MSRB3: variants seen among roughly 807,000 people sequenced by gnomAD.
The protein encoded by MSRB3 is methionine sulfoxide reductase B3, also known as methionine-R-sulfoxide reductase B3.
Under a neutral mutation model 21.0 loss-of-function variants are expected in MSRB3, and 13 were observed. The ratio of observed to expected loss-of-function variants is 0.62; its 90% CI spans 0.40 to 0.98. The LOEUF (loss-of-function observed/expected upper bound fraction) is 0.98. Ranked by LOEUF, MSRB3 falls within the 50% of genes least tolerant of loss-of-function variation. The pLI, the probability that MSRB3 is intolerant of heterozygous loss-of-function variation, is 0.00. For synonymous variants in MSRB3, 87 were observed against 88.6 expected (o/e 0.98, Z 0.10); for missense variants, 199 against 230.3 (o/e 0.86, Z 0.88).
chr12:65,331,473 C>T (rs758982882), intron 4 of MSRB3, among the ~76,000 whole-genome samples: 1 of 152,186 alleles, frequency 6.6e-6, no homozygotes, highest in Non-Finnish European at 1.5e-5. Flanking sequence ...TGCCACTAAA[C>T]AGCAGAGAAG....
chr12:65,447,835 T>C (rs781774432), intron 5 of MSRB3, among the ~76,000 whole-genome samples: 2 of 152,222 alleles, frequency 1.3e-5, no homozygotes, highest in Non-Finnish European at 2.9e-5. Flanking sequence ...ATTATTTGTA[T>C]ACTTTTGCAT....
intron 4 of MSRB3, among the ~76,000 whole-genome samples, chr12:65,359,587 G>T (rs1026819749): frequency 2.0e-5 from 3 of 152,088 alleles, no homozygotes; most frequent in African/African-American, 7.2e-5. Flanking sequence ...AAATGCATTG[G>T]AAATTGTCAC....
chr12:65,425,616 T>C (rs1443831617), intron 5 of MSRB3, among the ~76,000 whole-genome samples: 1 of 152,166 alleles, frequency 6.6e-6, no homozygotes, highest in Non-Finnish European at 1.5e-5. Flanking sequence ...ACTTTGATTG[T>C]ATTACAAAAT....
At chr12:65,442,424 T>C (rs1161989774) in intron 5 of MSRB3, among the ~76,000 whole-genome samples, 1 of 152,064 alleles carries the variant, frequency 6.6e-6, no homozygotes, top group African/African-American at 2.4e-5. Context: ...AGAACTGCAG[T>C]TGAATGGATC....
chr12:65,375,134 C>T (rs372730166), intron 5 of MSRB3, among the ~76,000 whole-genome samples: 1 of 152,008 alleles, frequency 6.6e-6, no homozygotes, highest in Non-Finnish European at 1.5e-5. Context: ...CGTGAGCCAC[C>T]GCGCCCGGCC....
At chr12:65,348,015 A>G (rs1009694756) in intron 4 of MSRB3, among the ~76,000 whole-genome samples, 8 of 152,128 alleles carry the variant, frequency 5.3e-5, no homozygotes, top group Non-Finnish European at 8.8e-5. Context: ...TTTTGCATCG[A>G]TGTTCATTAG....
At chr12:65,418,768 C>T (rs1384112453) in intron 5 of MSRB3, 3 of 955,432 alleles carry the variant, frequency 3.1e-6, no homozygotes, top group East Asian at 2.4e-5. Flanking sequence ...CACCACTTTG[C>T]CATCCACTGT....
intron 4 of MSRB3, among the ~76,000 whole-genome samples, chr12:65,342,763 A>G (rs1876228794): frequency 6.6e-6 from 1 of 152,090 alleles, no homozygotes; most frequent in South Asian, 2.1e-4. Flanking sequence ...GTGAAAATAT[A>G]TCTGACATTT....
chr12:65,371,601 TCACA>T (rs1878332038), intron 5 of MSRB3, among the ~76,000 whole-genome samples: 1 of 144,816 alleles, frequency 6.9e-6, no homozygotes, highest in African/African-American at 2.6e-5. Context: ...GTGTGTGTAC[TCACA>T]CACCCACACC....
intron 5 of MSRB3, among the ~76,000 whole-genome samples, chr12:65,381,101 T>G (rs1245069057): frequency 6.6e-6 from 1 of 152,212 alleles, no homozygotes; most frequent in East Asian, 1.9e-4. Context: ...GCATTAAATT[T>G]CCTGCTGAGA....
intron 2 of MSRB3, among the ~76,000 whole-genome samples, chr12:65,325,141 A>G (rs1874931213): frequency 6.6e-6 from 1 of 152,212 alleles, no homozygotes; most frequent in Non-Finnish European, 1.5e-5. Flanking sequence ...CTGTTGACTG[A>G]TTATTTAAGA....
intron 5 of MSRB3, among the ~76,000 whole-genome samples, chr12:65,428,243 T>C (rs1881701872): frequency 6.6e-6 from 1 of 152,206 alleles, no homozygotes; most frequent in Admixed American, 6.5e-5. Context: ...CTATTCTTCT[T>C]TGTTCTGGGC....
rs1250362260 is a variant in MSRB3 at position 65,365,749 on chromosome 12, C to T, written c.264-3249C>T. ...AAAAGGATATACCAACCTATCTTGA[C>T]ACATACACCTTATAATGAAAAATGA... is the stretch of plus-strand genomic sequence containing the variant. On this transcript the variant is annotated intron_variant, in intron 4 of 6. Coordinates refer to ENST00000308259, the MANE Select transcript of MSRB3 (RefSeq NM_001031679.3). 2.0e-5 allele frequency among the ~76,000 whole-genome samples: 3 copies of T among 152,156 alleles called. No homozygotes were observed. The East Asian group carries it at 5.8e-4, about 29-fold the overall frequency.
chr12:65,328,342 T>G (rs1055954274), intron 3 of MSRB3, among the ~76,000 whole-genome samples, 184 bp from the exon 4 acceptor site: 1 of 152,174 alleles, frequency 6.6e-6, no homozygotes, highest in African/African-American at 2.4e-5. Context: ...AGTAGTTATA[T>G]GCACATTTTA....
chr12:65,458,778 G>T (rs1210751616), intron 6 of MSRB3, among the ~76,000 whole-genome samples: 2 of 152,106 alleles, frequency 1.3e-5, no homozygotes, highest in Admixed American at 1.3e-4. Context: ...CCCTCCAGCT[G>T]CAGCCATCTT....
At chr12:65,338,736 C>T (rs768632340) in intron 4 of MSRB3, among the ~76,000 whole-genome samples, 37 of 152,162 alleles carry the variant, frequency 2.4e-4, no homozygotes, top group Non-Finnish European at 4.6e-4. Context: ...AAAATGTCCA[C>T]GTTTTTCCTC....
At chr12:65,293,848 G>A (rs1324510804) in intron 1 of MSRB3, among the ~76,000 whole-genome samples, 1 of 152,204 alleles carries the variant, frequency 6.6e-6, no homozygotes, top group Non-Finnish European at 1.5e-5. Flanking sequence ...GGGAATGAGA[G>A]GCCTTCTGGC....
chr12:65,407,459 C>T (rs1784381274), intron 5 of MSRB3, among the ~76,000 whole-genome samples: 1 of 151,674 alleles, frequency 6.6e-6, no homozygotes, highest in Admixed American at 6.6e-5. Context: ...GTGTTTTTTC[C>T]CTTCTAGCTT....
At position 65,328,550 on chromosome 12, in the gene MSRB3, T is replaced by C; in HGVS notation, c.210T>C (p.His70=). The change falls in exon 4 of 7, where the codon CAT becomes CAC. Residue 70 remains histidine, a synonymous_variant. Coordinates refer to ENST00000308259, the MANE Select transcript of MSRB3 (RefSeq NM_001031679.3). The part of the protein sequence containing the change: ...TESAFEGEYT[H]HKDPGIYKCV... The stretch of plus-strand genomic sequence containing the variant: ...GTGCCTTTGAAGGAGAATACACACA[T>C]CACAAAGATCCTGGAATATATAAAT... 1 of 1,612,332 alleles carries C rather than the reference T, an allele frequency of 6.2e-7. No homozygotes were observed. The highest frequency in any genetic ancestry group is 8.5e-7 in the Non-Finnish European group (1 of 1,178,648).
Sources: allele counts gnomAD v4.1 joint callset (sites outside exome capture counted in the v4.1 genomes callset), GRCh38; gene constraint gnomAD v4.1.1; transcripts MANE v1.5; gene names NCBI Gene and HGNC (gene_info 2026-07-23, HGNC 2026-07-21).